Variants in RGS7 observed in about 807,000 individuals in gnomAD.
RGS7 encodes the protein regulator of G protein signaling 7, also known as regulator of G-protein signaling 7.
Under a neutral mutation model 81.1 loss-of-function variants are expected in RGS7, and 27 were observed. The ratio of observed to expected loss-of-function variants is 0.33; its 90% CI spans 0.25 to 0.46. The LOEUF is 0.46. Ranked by LOEUF, RGS7 falls within the 20% of genes least tolerant of loss-of-function variation. The pLI is 1.00. For missense variants in RGS7, 396 were observed against 607.4 expected (o/e 0.65, Z 3.66); for synonymous variants, 208 against 207.7 (o/e 1.00, Z -0.01).
At chr1:240,808,917 A>G (rs1284117464) in intron 14 of RGS7, among the ~76,000 whole-genome samples, 1 of 151,802 alleles carries the variant, frequency 6.6e-6, no homozygotes, top group East Asian at 1.9e-4. Flanking sequence ...ATATAGGTGG[A>G]AGCTAAGTAA....
At chr1:241,266,843 CA>C (rs541983269) in intron 2 of RGS7, among the ~76,000 whole-genome samples, 1 of 151,946 alleles carries the variant, frequency 6.6e-6, no homozygotes, top group Non-Finnish European at 1.5e-5. Flanking sequence ...AAAAATGTGA[CA>C]AAAAAATCAA....
chr1:241,077,562 G>A (rs571193455), intron 3 of RGS7, among the ~76,000 whole-genome samples: 38 of 152,240 alleles, frequency 2.5e-4, no homozygotes, highest in African/African-American at 7.7e-4. Flanking sequence ...TCCAGTGTAC[G>A]TGGCTCAGGG....
chr1:241,100,713 G>A (rs1191748760), intron 2 of RGS7, among the ~76,000 whole-genome samples: 1 of 152,166 alleles, frequency 6.6e-6, no homozygotes, highest in South Asian at 2.1e-4. Context: ...TTGGGCCTAG[G>A]GTGGGGTAAA....
At chr1:240,830,592 C>A (rs886258891) in intron 9 of RGS7, among the ~76,000 whole-genome samples, 5 of 152,140 alleles carry the variant, frequency 3.3e-5, no homozygotes, top group South Asian at 4.1e-4. Flanking sequence ...TCATCTAAAC[C>A]AACTATTTCA....
intron 3 of RGS7, among the ~76,000 whole-genome samples, chr1:241,009,737 T>C (rs898780002): frequency 4.6e-5 from 7 of 152,308 alleles, no homozygotes; most frequent in East Asian, 3.9e-4. Context: ...TGAATGGGCA[T>C]GTTAGAAGGC....
At chr1:241,117,757 T>C (rs868183483) in intron 2 of RGS7, among the ~76,000 whole-genome samples, 10 of 152,138 alleles carry the variant, frequency 6.6e-5, no homozygotes, top group African/African-American at 2.4e-4. Flanking sequence ...AAAGCTGCAA[T>C]ATATTTCTTA....
At chr1:241,210,277 C>A (rs1446984694) in intron 2 of RGS7, among the ~76,000 whole-genome samples, 3 of 152,056 alleles carry the variant, frequency 2.0e-5, no homozygotes, top group East Asian at 1.9e-4. Context: ...AGTCTCCTGA[C>A]TAGCTGGGCT....
intron 18 of RGS7, among the ~76,000 whole-genome samples, chr1:240,794,312 G>A (rs1686626728): frequency 6.6e-6 from 1 of 152,162 alleles, no homozygotes; most frequent in South Asian, 2.1e-4. Flanking sequence ...CAGCCAAGCT[G>A]TCTTTTTTAA....
chr1:240,833,110 C>T (rs1046034726), intron 9 of RGS7, among the ~76,000 whole-genome samples: 3 of 152,012 alleles, frequency 2.0e-5, no homozygotes, highest in Admixed American at 6.6e-5. Context: ...AATATGCCAG[C>T]CTCACTGCGC....
chr1:241,004,139 G>C (rs1191863714), intron 3 of RGS7, among the ~76,000 whole-genome samples: 1 of 152,208 alleles, frequency 6.6e-6, no homozygotes, highest in Non-Finnish European at 1.5e-5. Flanking sequence ...GCTGTGTATA[G>C]AGGAGAAAGT....
At chr1:241,296,619 C>CT (rs1197179673) in intron 2 of RGS7, among the ~76,000 whole-genome samples, 1 of 152,192 alleles carries the variant, frequency 6.6e-6, no homozygotes, top group Non-Finnish European at 1.5e-5. Flanking sequence ...CTCTTGAGTG[C>CT]TAATGGTTTG....
intron 3 of RGS7, among the ~76,000 whole-genome samples, chr1:241,072,838 T>G (rs2062558024): frequency 6.6e-6 from 1 of 152,192 alleles, no homozygotes; most frequent in Admixed American, 6.5e-5. Context: ...TATAGGCATG[T>G]ATTTACATGC....
chr1:241,086,988 T>C (rs1352949032), intron 3 of RGS7, among the ~76,000 whole-genome samples: 1 of 152,140 alleles, frequency 6.6e-6, no homozygotes, highest in Admixed American at 6.5e-5. Context: ...TTCCACACAC[T>C]CCTGCAGCCC....
intron 2 of RGS7, among the ~76,000 whole-genome samples, chr1:241,201,112 T>C (rs1254076452): frequency 6.6e-6 from 1 of 152,206 alleles, no homozygotes; most frequent in East Asian, 1.9e-4. Flanking sequence ...TCATCAGCTT[T>C]CTCTGGTTCA....
intron 2 of RGS7, among the ~76,000 whole-genome samples, chr1:241,306,468 CCA>C (rs903288093): frequency 1.4e-5 from 2 of 148,026 alleles, no homozygotes; most frequent in African/African-American, 2.5e-5. Context: ...ATGCACACGT[CCA>C]CTCACACACA....
At chr1:240,916,109 C>CAAAAAAAAAAAAA (rs60839025) in intron 6 of RGS7, among the ~76,000 whole-genome samples, 1 of 70,942 alleles carries the variant, frequency 1.4e-5, no homozygotes, top group African/African-American at 4.6e-5. Flanking sequence ...CTAAAAATAC[C>CAAAAAAAAAAAAA]AAAAAAAAAA....
At chr1:240,983,473 T>A (rs1159199501) in intron 3 of RGS7, among the ~76,000 whole-genome samples, 1 of 152,240 alleles carries the variant, frequency 6.6e-6, no homozygotes, top group East Asian at 1.9e-4. Context: ...ATAACCAGTA[T>A]TTTATAAGGT....
At chr1:241,236,327 C>T (rs1332956690) in intron 2 of RGS7, among the ~76,000 whole-genome samples, 4 of 152,138 alleles carry the variant, frequency 2.6e-5, no homozygotes, top group African/African-American at 4.8e-5. Context: ...ATACGACATG[C>T]AATTTCGCAA....
At chr1:241,196,271 T>C (rs2073058259) in intron 2 of RGS7, among the ~76,000 whole-genome samples, 1 of 151,874 alleles carries the variant, frequency 6.6e-6, no homozygotes, top group South Asian at 2.1e-4. Flanking sequence ...AATACAAAAA[T>C]TCACAAAATA....
Sources: allele counts gnomAD v4.1 joint callset (sites outside exome capture counted in the v4.1 genomes callset), GRCh38; gene constraint gnomAD v4.1.1; transcripts MANE v1.5; gene names NCBI Gene and HGNC (gene_info 2026-07-23, HGNC 2026-07-21).